CPQ: variants seen among roughly 807,000 people sequenced by gnomAD.
CPQ encodes Ser-Met dipeptidase.
Under a neutral mutation model 45.7 loss-of-function variants are expected in CPQ, and 37 were observed. The observed-to-expected ratio is 0.81, with a 90% CI of 0.62 to 1.07. The LOEUF is 1.07. CPQ is among the 50% of genes least tolerant of loss of function. The probability of loss-of-function intolerance (pLI) is 0.00; values close to 1 mark genes in which losing one functional copy is unlikely to be tolerated. For synonymous variants in CPQ, 186 were observed against 205.8 expected (o/e 0.90, Z 0.82); for missense variants, 537 against 572.9 (o/e 0.94, Z 0.64).
At chr8:96,906,414 C>T (rs772224861) in intron 4 of CPQ, among the ~76,000 whole-genome samples, 7 of 152,106 alleles carry the variant, frequency 4.6e-5, no homozygotes, top group Non-Finnish European at 1.0e-4. Context: ...GTAAACTCAC[C>T]TCTCAACCCC....
chr8:96,922,585 C>A (rs1483303464), intron 4 of CPQ, among the ~76,000 whole-genome samples: 2 of 152,188 alleles, frequency 1.3e-5, no homozygotes, highest in Admixed American at 6.5e-5. Context: ...GACCATTCAT[C>A]ATTTTCCTGC....
intron 1 of CPQ, among the ~76,000 whole-genome samples, chr8:96,740,524 C>T (rs1314042605): frequency 1.3e-5 from 2 of 151,688 alleles, no homozygotes; most frequent in Non-Finnish European, 2.9e-5. Context: ...TGAGAGAGGG[C>T]ATCCCTGTCT....
chr8:96,982,140 G>A (rs918002260), intron 5 of CPQ, among the ~76,000 whole-genome samples: 2 of 152,196 alleles, frequency 1.3e-5, no homozygotes, highest in African/African-American at 4.8e-5. Context: ...CAGTGATGTG[G>A]GATATAGAGT....
chr8:96,922,556 G>A (rs574952803), intron 4 of CPQ, among the ~76,000 whole-genome samples: 1 of 152,236 alleles, frequency 6.6e-6, no homozygotes, highest in East Asian at 1.9e-4. Context: ...ACTGACTGGT[G>A]GCCAAAACAT....
chr8:96,932,678 C>T (rs1812990640), intron 4 of CPQ, among the ~76,000 whole-genome samples: 2 of 152,170 alleles, frequency 1.3e-5, no homozygotes, highest in South Asian at 4.1e-4. Flanking sequence ...AGATGTGCTA[C>T]ATTATGTGAT....
At chr8:96,777,706 A>T (rs1400725344) in intron 1 of CPQ, among the ~76,000 whole-genome samples, 2 of 121,168 alleles carry the variant, frequency 1.7e-5, no homozygotes, top group Non-Finnish European at 3.2e-5. Context: ...TGGTGACCCT[A>T]AGTCTGTGTC....
At chr8:96,729,855 TTG>T (rs142087422) in intron 1 of CPQ, among the ~76,000 whole-genome samples, 1 of 151,626 alleles carries the variant, frequency 6.6e-6, no homozygotes, top group African/African-American at 2.4e-5. Context: ...GTGTGTGTGT[TTG>T]TGTGTGTGTG....
intron 4 of CPQ, among the ~76,000 whole-genome samples, chr8:96,886,958 C>T (rs147299819): frequency 5.9e-5 from 9 of 152,270 alleles, no homozygotes; most frequent in East Asian, 1.9e-4. Flanking sequence ...CTGGGAAAGT[C>T]GCCTGTGCTT....
intron 7 of CPQ, among the ~76,000 whole-genome samples, chr8:97,138,203 T>C (rs976143979): frequency 6.6e-6 from 1 of 152,224 alleles, no homozygotes; most frequent in African/African-American, 2.4e-5. Context: ...AGTTGCCAAC[T>C]TTATCTGCCA....
At chr8:96,942,415 G>T (rs1266979066) in intron 4 of CPQ, among the ~76,000 whole-genome samples, 4 of 152,154 alleles carry the variant, frequency 2.6e-5, no homozygotes, top group Non-Finnish European at 5.9e-5. Flanking sequence ...CTGCCCAGTT[G>T]CCTTCTTTGG....
intron 5 of CPQ, among the ~76,000 whole-genome samples, chr8:97,009,001 C>T (rs1475881065): frequency 1.3e-5 from 2 of 152,226 alleles, no homozygotes; most frequent in East Asian, 1.9e-4. Context: ...CACTTGCTGA[C>T]CTGGTTGGCT....
intron 3 of CPQ, among the ~76,000 whole-genome samples, chr8:96,839,032 G>T (rs1811569722): frequency 2.0e-5 from 3 of 151,912 alleles, no homozygotes; most frequent in African/African-American, 7.3e-5. Context: ...CTATGGGAGT[G>T]GGTGATACTG....
intron 4 of CPQ, among the ~76,000 whole-genome samples, chr8:96,896,913 T>A (rs114734402): frequency 0.04 from 6,031 of 152,254 alleles, 167 homozygotes; most frequent in African/African-American, 0.071. Context: ...AATTTAAGAT[T>A]GTTATGGGTT....
intron 5 of CPQ, among the ~76,000 whole-genome samples, chr8:97,024,057 C>T (rs919749128): frequency 2.0e-5 from 3 of 152,208 alleles, no homozygotes; most frequent in Admixed American, 6.5e-5. Flanking sequence ...GGTCTGGAGG[C>T]GCTTCTGGAG....
chr8:96,957,156 C>T (rs1813370868), intron 4 of CPQ, among the ~76,000 whole-genome samples: 1 of 152,124 alleles, frequency 6.6e-6, no homozygotes, highest in African/African-American at 2.4e-5. Context: ...ATTCAGCTAC[C>T]CTAAAGTTCA....
intron 6 of CPQ, among the ~76,000 whole-genome samples, chr8:97,035,413 G>A (rs1037196112): frequency 5.9e-5 from 9 of 152,090 alleles, no homozygotes; most frequent in African/African-American, 1.9e-4. Context: ...TCATATGATA[G>A]GTGATGTTTA....
chr8:96,834,015 C>T (rs551428847), intron 2 of CPQ, among the ~76,000 whole-genome samples: 2 of 152,320 alleles, frequency 1.3e-5, no homozygotes, highest in East Asian at 3.9e-4. Flanking sequence ...TTCATGACTG[C>T]ATGGCTAAAG....
intron 6 of CPQ, among the ~76,000 whole-genome samples, chr8:97,039,615 T>C (rs1810076618): frequency 6.6e-6 from 1 of 151,918 alleles, no homozygotes; most frequent in Non-Finnish European, 1.5e-5. Flanking sequence ...GTATATCTCC[T>C]AATGCTATCC....
At chr8:96,803,021 A>ACG (rs57627998) in intron 2 of CPQ, among the ~76,000 whole-genome samples, 20 of 147,580 alleles carry the variant, frequency 1.4e-4, no homozygotes, top group African/African-American at 4.7e-4. Context: ...ACACACACAC[A>ACG]TGGCCTCTTT....
Sources: gnomAD v4.1 joint callset for allele counts (sites outside exome capture counted in the v4.1 genomes callset) on GRCh38, gnomAD v4.1.1 for gene constraint, MANE v1.5 for transcripts, NCBI Gene and HGNC (gene_info 2026-07-23, HGNC 2026-07-21) for gene names.